The following AMH variants were observed in gnomAD, a reference collection of about 807,000 sequenced individuals.
AMH encodes the protein anti-Mullerian hormone.
AMH carries 39 observed loss-of-function variants against 33.3 expected under a neutral mutation model. The observed-to-expected ratio is 1.17, with a 90% CI of 0.91 to 1.53. The LOEUF (loss-of-function observed/expected upper bound fraction) is 1.53, where lower values mean the gene tolerates loss of function less well. Among genes scored for constraint, AMH ranks in the 40% most tolerant of loss-of-function variants. The pLI is 0.00. For missense variants in AMH, 1,019 were observed against 799.8 expected (o/e 1.27, Z -3.30); for synonymous variants, 536 against 403.0 (o/e 1.33, Z -3.95).
At position 2,250,632 on chromosome 19, in the gene AMH, C is replaced by A; in HGVS notation, c.556-20C>A. The stretch of plus-strand genomic sequence containing the variant: ...CTGGGTAAGCCTCCATCCAGCCGGG[C>A]TGAGCCCTGGTCTCCGCAGAGCCTC... On this transcript the variant is annotated intron_variant, in intron 2 of 4. Transcript: ENST00000221496. The A allele has an allele frequency of 6.5e-7, 1 of 1,538,128 alleles. No homozygotes were observed. The highest frequency in any genetic ancestry group is 8.7e-7 in the Non-Finnish European group (1 of 1,146,494).
At position 2,249,380 on chromosome 19, in the gene AMH, G is replaced by A. The variant is rs2024986881; in HGVS notation, c.48G>A (p.Leu16=). 8.2e-6 allele frequency: 13 copies of A among 1,587,322 alleles called. No homozygotes were observed. Among genetic ancestry groups the A allele is most frequent in the Non-Finnish European group, 9.4e-6 (11 of 1,167,896 alleles). ...LTSLALVLSA[L]GALLGTEALR... ...GCCTGGCCCTAGTGCTGTCTGCCCT[G>A]GGGGCTCTGCTGGGGACTGAGGCCC... The change falls in exon 1 of 5, where the codon CTG becomes CTA. Residue 16 remains leucine, a synonymous_variant. Transcript: ENST00000221496.
Position 2,250,417 on chromosome 19 carries a change from G to A in AMH, c.493G>A (p.Val165Met). 2 of 1,568,430 alleles carry A rather than the reference G, an allele frequency of 1.3e-6. No homozygotes were observed. The highest frequency in any genetic ancestry group is 1.7e-6 in the Non-Finnish European group (2 of 1,157,806). ...GAGPPELALL[V>M]LYPGPGPEVT... ...TGGCCCCCCAGAGCTGGCGCTGCTGGTGCTGTACCCTGGGCCTGGCCCTGA... is the reference window on the plus strand; with the variant it reads ...TGGCCCCCCAGAGCTGGCGCTGCTGATGCTGTACCCTGGGCCTGGCCCTGA... The change falls in exon 2 of 5, where the codon GTG becomes ATG. Residue 165 changes from valine to methionine, a missense_variant. Coordinates refer to ENST00000221496, the MANE Select transcript of AMH (RefSeq NM_000479.5).
chr19:2,250,796 G>A, intron 3 of AMH, 36 bp downstream of exon 3: 4 of 1,536,370 alleles, frequency 2.6e-6, no homozygotes, highest in Non-Finnish European at 3.5e-6. Context: ...GAGCCGGGTC[G>A]ACTGCCCCCG....
chr19:2,250,014 G>A (rs757562128), intron 1 of AMH: 12 of 606,728 alleles, frequency 2.0e-5, no homozygotes, highest in East Asian at 5.6e-5. Flanking sequence ...CGCAGGGCTC[G>A]GGGCCAGTGG....
At chr19:2,249,881 C>T (rs927447650) in intron 1 of AMH, 137 bp downstream of exon 1, 38 of 1,067,042 alleles carry the variant, frequency 3.6e-5, no homozygotes, top group East Asian at 2.6e-4. Flanking sequence ...GACTGGGTTG[C>T]GGGTCCGTGG....
At position 2,250,763 on chromosome 19, in the gene AMH, A is replaced by G; in HGVS notation, c.664+3A>G. On this transcript the variant is annotated splice_donor_region_variant and intron_variant, in intron 3 of 4. Coordinates refer to ENST00000221496, the MANE Select transcript of AMH (RefSeq NM_000479.5). ...GACCCTGCAGCCCCGCGGAGAGGGT[A>G]GGTCCGCGTGGAGAGGGACGGGGAG... is the stretch of plus-strand genomic sequence containing the variant. The G allele has an allele frequency of 2.0e-6, 3 of 1,535,062 alleles. No homozygotes were observed. Among genetic ancestry groups the G allele is most frequent in the Non-Finnish European group, 2.6e-6 (3 of 1,146,808 alleles).
rs2025045669 is a variant in AMH at position 2,251,616 on chromosome 19, C to A, written c.1342C>A (p.Arg448=). The A allele has an allele frequency of 2.8e-6, 4 of 1,432,766 alleles. No homozygotes were observed. The highest frequency in any genetic ancestry group is 2.9e-5 in the South Asian group (2 of 68,754). 88.8% of individuals were successfully genotyped at this position (1,432,766 alleles called of 1,614,324 possible). A position where few individuals can be genotyped will look rare whatever the true frequency, so the allele number is the denominator to read the frequency against. Residue 448 remains arginine (R), a synonymous_variant, in exon 5 of 5, where the codon CGG becomes AGG. Coordinates refer to ENST00000221496, the MANE Select transcript of AMH (RefSeq NM_000479.5). ...CGGGCGGGATCCGCGCGGGCCGGGTCGGGCACAGCGCAGCGCGGGGGCCAC... is the reference window on the plus strand; with the variant it reads ...CGGGCGGGATCCGCGCGGGCCGGGTAGGGCACAGCGCAGCGCGGGGGCCAC... The part of the protein sequence containing the change: ...WRGRDPRGPG[R]AQRSAGATAA...
At chr19:2,250,520 G>A (rs1333466177) in intron 2 of AMH, 41 bp downstream of exon 2, 7 of 1,543,040 alleles carry the variant, frequency 4.5e-6, no homozygotes, top group Non-Finnish European at 5.2e-6. Flanking sequence ...GGCCGTGGCG[G>A]GGGGCATGGA....
In AMH at chr19:2,251,307, C is replaced by T. The variant is rs1164092360; in HGVS notation, c.1033C>T (p.Pro345Ser). ...GGAGCGCCTACTCGACGGCGAGGAG[C>T]CGCTGCTGCTGCTGCTGAGGCCCAC... is the stretch of plus-strand genomic sequence containing the variant. Reference protein sequence around the residue: ...ALERLLDGEEPLLLLLRPTAA... With the variant: ...ALERLLDGEESLLLLLRPTAA... Residue 345 changes from proline (P) to serine (S), a missense_variant, in exon 5 of 5, where the codon CCG becomes TCG. Transcript: ENST00000221496. The T allele has an allele frequency of 1.3e-5, 19 of 1,502,778 alleles. No homozygotes were observed. The highest frequency in any genetic ancestry group is 1.6e-5 in the Non-Finnish European group (18 of 1,133,726). 93.1% of individuals were successfully genotyped at this position (1,502,778 alleles called of 1,614,324 possible). A position where few individuals can be genotyped will look rare whatever the true frequency, so the allele number is the denominator to read the frequency against.
At chr19:2,250,549 G>T in intron 2 of AMH, 70 bp downstream of exon 2, 1 of 1,539,896 alleles carries the variant, frequency 6.5e-7, no homozygotes. Flanking sequence ...AGGGTCTGCA[G>T]TACTGAGAAC....
chr19:2,250,588 G>T, intron 2 of AMH, 64 bp from the exon 3 acceptor site: 1 of 1,537,022 alleles, frequency 6.5e-7, no homozygotes, highest in South Asian at 1.2e-5. Flanking sequence ...ATGGGAGGAA[G>T]GGGACCGGTA....
Position 2,251,810 on chromosome 19 carries a change from G to A in AMH, c.1536G>A (p.Lys512=). ...GCAACCACGTGGTGCTGCTGCTGAA[G>A]ATGCAGGTCCGTGGGGCCGCCCTGG... ...RYGNHVVLLL[K]MQVRGAALAR... is the part of the protein sequence containing the mutation. Residue 512 remains lysine (K), a synonymous_variant, in exon 5 of 5, where the codon AAG becomes AAA. Coordinates refer to ENST00000221496, the MANE Select transcript of AMH (RefSeq NM_000479.5). 1 of 1,607,880 alleles carries A rather than the reference G, an allele frequency of 6.2e-7. No individual in the cohort carries two copies. Among genetic ancestry groups the A allele is most frequent in the South Asian group, 1.1e-5 (1 of 90,930 alleles).
chr19:2,250,615 G>T (rs1004292558), intron 2 of AMH, 37 bp from the exon 3 acceptor site: 4 of 1,535,576 alleles, frequency 2.6e-6, no homozygotes, highest in East Asian at 2.4e-5. Flanking sequence ...GGCTGGGTAA[G>T]CCTCCATCCA....
In AMH at chr19:2,251,453, C is replaced by G. The variant is rs572009332; in HGVS notation, c.1179C>G (p.Leu393=). 4 of 1,432,246 alleles carry G rather than the reference C, an allele frequency of 2.8e-6. No individual in the cohort carries two copies. The African/African-American group carries it at 6.0e-5, about 21-fold the overall frequency. The allele number at this position is 1,432,246 out of a possible 1,614,324, so 88.7% of individuals were successfully genotyped here. A position where few individuals can be genotyped will look rare whatever the true frequency, so the allele number is the denominator to read the frequency against. ...CGGCGGCTGCCGAGCTGCGAAGCCT[C>G]CCGGGTCTGCCTCCGGCCACAGCCC... The part of the protein sequence containing the change: ...LQAAAAELRS[L]PGLPPATAPL... The change falls in exon 5 of 5, where the codon CTC becomes CTG. Residue 393 remains leucine, a synonymous_variant. Transcript: ENST00000221496.
At chr19:2,251,043 G>T in intron 4 of AMH, 35 bp downstream of exon 4, 2 of 1,526,742 alleles carry the variant, frequency 1.3e-6, no homozygotes, top group Non-Finnish European at 1.7e-6. Flanking sequence ...GGCAGGAGCG[G>T]GCGGGGGCGG....
rs779977600 is a variant in AMH at position 2,249,576 on chromosome 19, G to A, written c.244G>A (p.Ala82Thr). The change falls in exon 1 of 5, where the codon GCC (alanine) becomes ACC (threonine). Residue 82 changes from alanine (A) to threonine (T), a missense_variant. Ala to Thr is a moderately conservative substitution (Grantham distance 58). Coordinates refer to ENST00000221496, the MANE Select transcript of AMH (RefSeq NM_000479.5). Reference protein sequence around the residue: ...VVGALSAYEQAFLGAVQRARW... With the variant: ...VVGALSAYEQTFLGAVQRARW... ...GGGGGCTCTAAGCGCCTATGAGCAG[G>A]CCTTCCTGGGGGCCGTGCAGAGGGC... The A allele has an allele frequency of 9.5e-6, 15 of 1,571,330 alleles. No individual in the cohort carries two copies. The African/African-American group carries it at 2.0e-4, about 21-fold the overall frequency.
Position 2,250,381 on chromosome 19 carries a change from C to T in AMH, c.457C>T (p.Pro153Ser). 6.3e-7 allele frequency: 1 copy of T among 1,592,096 alleles called. No homozygotes were observed. Among genetic ancestry groups the T allele is most frequent in the Non-Finnish European group, 8.5e-7 (1 of 1,171,146 alleles). ...TPSLRFQEPP[P>S]GGAGPPELAL... ...CTCGCTGAGGTTCCAGGAGCCCCCG[C>T]CTGGAGGAGCTGGCCCCCCAGAGCT... Residue 153 changes from proline to serine, a missense_variant, in exon 2 of 5, where the codon CCT becomes TCT. By Grantham distance (74) the Pro-to-Ser change is moderately conservative. Transcript: ENST00000221496.
chr19:2,250,832 G>T lies in AMH; in HGVS notation c.665-17G>T. ...GGCCCCCAGCCCCTGAGCCAGCCGC[G>T]TGCCCACCCACCGCAGACTCCCGGC... On this transcript the variant is annotated splice_polypyrimidine_tract_variant and intron_variant, in intron 3 of 4. Transcript: ENST00000221496. 6.4e-7 allele frequency: 1 copy of T among 1,553,596 alleles called. No individual in the cohort carries two copies.
At chr19:2,250,091 G>A (rs2145026179) in intron 1 of AMH, 7 of 652,660 alleles carry the variant, frequency 1.1e-5, no homozygotes, top group South Asian at 9.3e-5. Flanking sequence ...CTGCGGGGAA[G>A]GGGCTTCATC....
Sources: allele counts gnomAD v4.1 joint callset, GRCh38; gene constraint gnomAD v4.1.1; transcripts MANE v1.5; gene names NCBI Gene and HGNC (gene_info 2026-07-23, HGNC 2026-07-21).